Variants in MPRIP observed in about 807,000 individuals in gnomAD.
The protein encoded by MPRIP is myosin phosphatase Rho interacting protein, also known as myosin phosphatase Rho-interacting protein.
In MPRIP, 59 loss-of-function variants were observed where a neutral mutation model predicts 234.9. The observed-to-expected ratio is 0.25, with a 90% CI of 0.20 to 0.31. The LOEUF is 0.31. Among genes scored for constraint, MPRIP ranks in the 10% least tolerant of loss-of-function variants. The pLI, the probability that MPRIP is intolerant of heterozygous loss-of-function variation, is 1.00. For missense variants in MPRIP, 2,436 were observed against 3,071.0 expected (o/e 0.79, Z 4.89); for synonymous variants, 1,144 against 1,263.9 (o/e 0.91, Z 2.01).
intron 1 of MPRIP, 89 bp from the exon 2 acceptor site, chr17:17,075,621 G>C (rs1402367597): frequency 8.9e-7 from 1 of 1,126,564 alleles, no homozygotes; most frequent in Non-Finnish European, 1.3e-6. Flanking sequence ...GGCAACATCT[G>C]TTTCCAGCGA....
chr17:17,142,840 C>T, intron 8 of MPRIP, 75 bp downstream of exon 8: 2 of 1,527,724 alleles, frequency 1.3e-6, no homozygotes, highest in South Asian at 1.2e-5. Context: ...GCGCCAAGTC[C>T]CCTCCACACA....
chr17:17,059,811 T>C (rs1036078679), intron 1 of MPRIP, among the ~76,000 whole-genome samples: 5 of 152,160 alleles, frequency 3.3e-5, no homozygotes, highest in Admixed American at 3.3e-4. Flanking sequence ...AGTGGCCCAG[T>C]TGGGAGGTGA....
At chr17:17,169,150 CTA>C (rs1401731691) in intron 16 of MPRIP, 2 of 384,670 alleles carry the variant, frequency 5.2e-6, no homozygotes, top group African/African-American at 4.2e-5. Flanking sequence ...GTTTCAACAG[CTA>C]TGTTTTCAAA....
chr17:17,179,099 A>C (rs1403521013), intron 22 of MPRIP, among the ~76,000 whole-genome samples: 3 of 152,056 alleles, frequency 2.0e-5, no homozygotes, highest in Non-Finnish European at 2.9e-5. Context: ...GTGGATCACG[A>C]GGTCAGGAAT....
chr17:17,158,888 G>A lies in MPRIP; in HGVS notation c.2286G>A (p.Glu762=). ...VEIEQRWHQV[E]TTPLREEKQV... The stretch of plus-strand genomic sequence containing the variant: ...TTGAGCAGCGGTGGCATCAGGTGGA[G>A]ACCACACCTCTCCGGGAAGAGAAGC... The change falls in exon 14 of 24, where the codon GAG becomes GAA. Residue 762 remains glutamate (E), a synonymous_variant. Transcript: ENST00000651222. 1 of 1,612,210 alleles carries A rather than the reference G, an allele frequency of 6.2e-7. No individual in the cohort carries two copies. Among genetic ancestry groups the A allele is most frequent in the Non-Finnish European group, 8.5e-7 (1 of 1,180,024 alleles).
rs1245658986 is a variant in MPRIP, at chr17:17,166,965, C to G, written c.5374C>G (p.Leu1792Val). 2.3e-6 allele frequency: 3 copies of G among 1,304,072 alleles called. No individual in the cohort carries two copies. Among genetic ancestry groups the G allele is most frequent in the African/African-American group, 3.0e-5 (2 of 65,844 alleles). The allele number at this position is 1,304,072 out of a possible 1,614,324, so 80.8% of individuals were successfully genotyped here. Reference sequence around the variant, plus strand: ...CCAGCAGCTGAAGGAGAAGGCCAGCCTCTTAGAGGAGATAGCGGCTGCCTT... The same window carrying G: ...CCAGCAGCTGAAGGAGAAGGCCAGCGTCTTAGAGGAGATAGCGGCTGCCTT... ...LAQQLKEKAS[L>V]LEEIAAALPS... Residue 1792 changes from leucine to valine, a missense_variant, in exon 16 of 24, where the codon CTC becomes GTC. Leu to Val is a conservative substitution (Grantham distance 32). This residue lies in a region of MPRIP where 1,998 missense variants were observed against 2,520.3 expected (regional missense o/e 0.79). Transcript: ENST00000651222. This position sits in a 1 kb window ranked among gnomAD's most constrained non-coding sequence, Gnocchi z 4.4.
At chr17:17,083,977 G>A (rs2089526981) in intron 3 of MPRIP, among the ~76,000 whole-genome samples, 1 of 152,102 alleles carries the variant, frequency 6.6e-6, no homozygotes, top group South Asian at 2.1e-4. Context: ...TCCTGACCTC[G>A]TGATCCGCCC....
At chr17:17,125,172 C>T (rs969372870) in intron 3 of MPRIP, among the ~76,000 whole-genome samples, 1 of 152,248 alleles carries the variant, frequency 6.6e-6, no homozygotes, top group Non-Finnish European at 1.5e-5. Context: ...CTGCGGGCCA[C>T]TCCACTGATG....
At chr17:17,046,041 G>A (rs1485877090) in intron 1 of MPRIP, among the ~76,000 whole-genome samples, 1 of 152,124 alleles carries the variant, frequency 6.6e-6, no homozygotes, top group Non-Finnish European at 1.5e-5. Context: ...TCCTGACCTC[G>A]TGATCCGCCT....
At chr17:17,114,952 T>C (rs1186691277) in intron 3 of MPRIP, among the ~76,000 whole-genome samples, 1 of 152,218 alleles carries the variant, frequency 6.6e-6, no homozygotes, top group Non-Finnish European at 1.5e-5. Context: ...AAAAAGTAGT[T>C]TAGTGGTTCT....
chr17:17,147,295 C>T, intron 10 of MPRIP, 24 bp from the exon 11 acceptor site: 1 of 1,612,418 alleles, frequency 6.2e-7, no homozygotes, highest in South Asian at 1.1e-5. Flanking sequence ...GTAGTCGAGT[C>T]ATTTTTCTTT....
intron 1 of MPRIP, among the ~76,000 whole-genome samples, chr17:17,057,288 C>T (rs577639759): frequency 5.9e-5 from 9 of 152,350 alleles, no homozygotes; most frequent in African/African-American, 1.7e-4. Flanking sequence ...CATGAAATGC[C>T]GCCATGAGGC....
chr17:17,079,270 C>T (rs1435245853), intron 3 of MPRIP, among the ~76,000 whole-genome samples: 1 of 152,026 alleles, frequency 6.6e-6, no homozygotes, highest in Non-Finnish European at 1.5e-5. Flanking sequence ...AAAGAATTGT[C>T]TTCCTTTTCA....
chr17:17,137,887 C>T (rs753440219), intron 6 of MPRIP, 29 bp from the exon 7 acceptor site: 81 of 1,532,682 alleles, frequency 5.3e-5, no homozygotes, highest in Non-Finnish European at 6.8e-5. Flanking sequence ...AGGCTGAGTG[C>T]GTCTCCTCCC....
At chr17:17,084,374 G>A (rs989942065) in intron 3 of MPRIP, among the ~76,000 whole-genome samples, 3 of 152,204 alleles carry the variant, frequency 2.0e-5, no homozygotes, top group African/African-American at 7.2e-5. Flanking sequence ...CTGCCTTTTC[G>A]CTCATCACAG....
chr17:17,167,471 C>G lies in MPRIP; in HGVS notation c.5880C>G (p.Thr1960=). 3.8e-6 allele frequency: 5 copies of G among 1,304,156 alleles called. No individual in the cohort carries two copies. The highest frequency in any genetic ancestry group is 5.1e-6 in the Non-Finnish European group (5 of 988,952). The allele number at this position is 1,304,156 out of a possible 1,614,324, so 80.8% of individuals were successfully genotyped here. A position where few individuals can be genotyped will look rare whatever the true frequency, so the allele number is the denominator to read the frequency against. ...EEIRCVVEQL[T]RTESTLQAER... ...TTCGGTGTGTGGTGGAGCAGCTGAC[C>G]AGGACCGAGAGCACACTGCAGGCTG... Residue 1960 remains threonine (T), a synonymous_variant, in exon 16 of 24, where the codon ACC becomes ACG. Coordinates refer to ENST00000651222, the MANE Select transcript of MPRIP (RefSeq NM_001364716.4). This position sits in a 1 kb window ranked among gnomAD's most constrained non-coding sequence, Gnocchi z 5.9.
At chr17:17,111,910 A>T (rs1230682766) in intron 3 of MPRIP, among the ~76,000 whole-genome samples, 5 of 151,414 alleles carry the variant, frequency 3.3e-5, no homozygotes, top group Non-Finnish European at 7.4e-5. Context: ...CATGCTACCC[A>T]CCCTGGCATT....
intron 23 of MPRIP, chr17:17,180,798 A>T: frequency 1.0e-6 from 1 of 985,718 alleles, no homozygotes; most frequent in East Asian, 2.4e-5. Context: ...AGGTTTCTTT[A>T]ACCTGCTCTG....
chr17:17,145,332 C>T (rs1324867190), intron 9 of MPRIP, among the ~76,000 whole-genome samples: 4 of 152,154 alleles, frequency 2.6e-5, no homozygotes, highest in South Asian at 2.1e-4. Context: ...GAGAGCACCT[C>T]GGACCAGAGA....
Sources: allele counts gnomAD v4.1 joint callset (sites outside exome capture counted in the v4.1 genomes callset), GRCh38; gene constraint gnomAD v4.1.1; regional missense constraint gnomAD v4.1.1; non-coding constraint Gnocchi (gnomAD v3.1); transcripts MANE v1.5; gene names NCBI Gene and HGNC (gene_info 2026-07-23, HGNC 2026-07-21).